Variants in CDKN2B-AS1 observed in about 807,000 individuals in gnomAD.
CDKN2B-AS1 encodes the protein CDKN2B and CDKN2A antisense cis and trans regulatory RNA 1, also known as CDKN2B antisense RNA 1 (non-protein coding).
At chr9:22,051,592 A>G (rs1000856117) in intron 3 of CDKN2B-AS1, among the ~76,000 whole-genome samples, 6 of 152,116 alleles carry the variant, frequency 3.9e-5, no homozygotes, top group Non-Finnish European at 8.8e-5. Flanking sequence ...CAAATTTGCA[A>G]TTTGGCAGCA....
chr9:22,056,182 C>A (rs1417961780), intron 3 of CDKN2B-AS1: 2 of 148,072 alleles, frequency 1.4e-5, no homozygotes, highest in Non-Finnish European at 3.0e-5. Flanking sequence ...CTCCTGCCAC[C>A]ACATCCAGCT....
intron 4 of CDKN2B-AS1, among the ~76,000 whole-genome samples, chr9:22,072,627 A>G (rs551171992): frequency 3.9e-5 from 6 of 152,236 alleles, no homozygotes; most frequent in Non-Finnish European, 7.3e-5. Context: ...GCTTGAATAA[A>G]TGTTATTAGA....
chr9:22,082,415 T>C (rs896151853), intron 4 of CDKN2B-AS1, among the ~76,000 whole-genome samples: 1 of 152,222 alleles, frequency 6.6e-6, no homozygotes, highest in African/African-American at 2.4e-5. Flanking sequence ...TTGTTGATCA[T>C]GATATAGAGG....
At chr9:22,077,145 T>C (rs1259586712) in intron 4 of CDKN2B-AS1, among the ~76,000 whole-genome samples, 1 of 152,184 alleles carries the variant, frequency 6.6e-6, no homozygotes, top group East Asian at 1.9e-4. Context: ...TATTTCTGTA[T>C]ATTTGACTTT....
At chr9:22,066,666 G>A (rs1824057414) in intron 4 of CDKN2B-AS1, among the ~76,000 whole-genome samples, 2 of 151,446 alleles carry the variant, frequency 1.3e-5, no homozygotes, top group South Asian at 2.1e-4. Context: ...ACATAAAATA[G>A]CAAAGAGATT....
chr9:22,059,241 C>G (rs1452493129), intron 4 of CDKN2B-AS1, among the ~76,000 whole-genome samples: 2 of 152,282 alleles, frequency 1.3e-5, no homozygotes, highest in East Asian at 3.9e-4. Flanking sequence ...TCCCTTCTGC[C>G]TATGAGCCTG....
intron 2 of CDKN2B-AS1, among the ~76,000 whole-genome samples, chr9:22,047,311 T>G (rs1293914234): frequency 6.6e-6 from 1 of 152,206 alleles, no homozygotes; most frequent in African/African-American, 2.4e-5. Context: ...TCCATTTATA[T>G]GCTGATATAA....
chr9:22,053,810 G>A (rs71506712), intron 3 of CDKN2B-AS1, among the ~76,000 whole-genome samples: 1 of 152,062 alleles, frequency 6.6e-6, no homozygotes, highest in African/African-American at 2.4e-5. Context: ...TTATTCCTTA[G>A]GTCCTCCTTG....
At chr9:22,016,979 T>C (rs967409376) in intron 1 of CDKN2B-AS1, among the ~76,000 whole-genome samples, 1 of 152,256 alleles carries the variant, frequency 6.6e-6, no homozygotes, top group Non-Finnish European at 1.5e-5. Context: ...TAGTGAATCT[T>C]TTTGACATGG....
At chr9:22,045,669 G>T (rs544976167) in intron 1 of CDKN2B-AS1, among the ~76,000 whole-genome samples, 2 of 152,088 alleles carry the variant, frequency 1.3e-5, no homozygotes, top group South Asian at 4.1e-4. Context: ...CATGCTTTTT[G>T]CCACAATGAA....
intron 4 of CDKN2B-AS1, chr9:22,121,011 A>T (rs542066653): frequency 4.6e-5 from 7 of 152,202 alleles, no homozygotes; most frequent in Non-Finnish European, 1.0e-4. Flanking sequence ...TTTGAACTTA[A>T]GCAGTCTAAC....
At chr9:22,117,413 A>T (rs1393927391) in intron 4 of CDKN2B-AS1, among the ~76,000 whole-genome samples, 1 of 152,028 alleles carries the variant, frequency 6.6e-6, no homozygotes, top group African/African-American at 2.4e-5. Flanking sequence ...GTTGGGGGGG[A>T]ATCTTAACCT....
chr9:22,009,119 C>G (rs1373907884), intron 1 of CDKN2B-AS1: 2 of 982,888 alleles, frequency 2.0e-6, no homozygotes, highest in Non-Finnish European at 1.5e-6. Flanking sequence ...CTTGGGGCCC[C>G]GTGCAGTGGC....
intron 4 of CDKN2B-AS1, among the ~76,000 whole-genome samples, chr9:22,090,728 C>T (rs564557333): frequency 6.6e-6 from 1 of 151,904 alleles, no homozygotes; most frequent in East Asian, 1.9e-4. Context: ...GGATATTAGC[C>T]CTTTGTTGGA....
At chr9:22,097,413 C>T (rs1256978151) in intron 4 of CDKN2B-AS1, 1 of 152,010 alleles carries the variant, frequency 6.6e-6, no homozygotes, top group Non-Finnish European at 1.5e-5. Flanking sequence ...GCAACTTGGG[C>T]CATAATTAAA....
At position 22,005,915 on chromosome 9, in the gene CDKN2B-AS1, C is replaced by A; in HGVS notation, n.29+10754C>A. ...GCCGCTCCCCGTTGGCAGCCTTCAT[C>A]GAATTAGGTGGGTGGGGGTGGGAAA... On this transcript the variant is annotated intron_variant and non_coding_transcript_variant, in intron 1 of 4. Transcript: ENST00000650946. This position sits in a 1 kb window ranked among gnomAD's most constrained non-coding sequence, Gnocchi z 4.9. The A allele has an allele frequency of 2.6e-6, 4 of 1,567,684 alleles. No homozygotes were observed. The South Asian group carries it at 4.6e-5, about 18-fold the overall frequency.
chr9:22,044,602 C>T (rs1048244221), intron 1 of CDKN2B-AS1, among the ~76,000 whole-genome samples: 14 of 151,914 alleles, frequency 9.2e-5, no homozygotes, highest in African/African-American at 3.4e-4. Flanking sequence ...TTTCCAGAAC[C>T]TGGTTTTTAC....
At chr9:22,050,349 T>C (rs1473716241) in intron 3 of CDKN2B-AS1, among the ~76,000 whole-genome samples, 1 of 152,230 alleles carries the variant, frequency 6.6e-6, no homozygotes, top group Non-Finnish European at 1.5e-5. Context: ...CAGGGAGTCC[T>C]GACCCCTTTT....
chr9:22,009,222 ACGCAGCCGAGC>A, intron 1 of CDKN2B-AS1: 1 of 586,168 alleles, frequency 1.7e-6, no homozygotes, highest in East Asian at 2.9e-5. Context: ...CCTAGCGCGG[ACGCAGCCGAGC>A]TCAAAGCCGC....
Sources: allele counts gnomAD v4.1 joint callset (sites outside exome capture counted in the v4.1 genomes callset), GRCh38; gene constraint gnomAD v4.1.1; non-coding constraint Gnocchi (gnomAD v3.1); transcripts MANE v1.5; gene names NCBI Gene and HGNC (gene_info 2026-07-23, HGNC 2026-07-21).